The following BMPR1B variants were observed in gnomAD, a reference collection of about 807,000 sequenced individuals.
The protein encoded by BMPR1B is bone morphogenetic protein receptor type 1B, also known as bone morphogenetic protein receptor type-1B.
Under a neutral mutation model 59.1 loss-of-function variants are expected in BMPR1B, and 12 were observed. The observed-to-expected ratio is 0.20, with a 90% CI of 0.13 to 0.33. The LOEUF (loss-of-function observed/expected upper bound fraction) is 0.33. Ranked by LOEUF, BMPR1B falls within the 10% of genes least tolerant of loss-of-function variation. The pLI is 1.00. For synonymous variants in BMPR1B, 237 were observed against 207.3 expected (o/e 1.14, Z -1.23); for missense variants, 550 against 610.9 (o/e 0.90, Z 1.05).
intron 1 of BMPR1B, among the ~76,000 whole-genome samples, chr4:94,758,593 A>C (rs958917035): frequency 6.6e-6 from 1 of 151,962 alleles, no homozygotes; most frequent in Non-Finnish European, 1.5e-5. Context: ...ACGCCTCCCG[A>C]GACCCAGCCT....
chr4:94,980,306 G>A (rs1397688030), intron 2 of BMPR1B, among the ~76,000 whole-genome samples: 1 of 152,152 alleles, frequency 6.6e-6, no homozygotes, highest in Non-Finnish European at 1.5e-5. Context: ...AATAAGTTAA[G>A]TTCCAAATAG....
chr4:94,963,271 A>T (rs549284002), intron 2 of BMPR1B, among the ~76,000 whole-genome samples: 2 of 151,826 alleles, frequency 1.3e-5, no homozygotes, highest in South Asian at 2.1e-4. Context: ...TAGTTTATAA[A>T]TTTTTTTTGC....
chr4:94,991,037 G>T (rs1205514805), intron 2 of BMPR1B, among the ~76,000 whole-genome samples: 1 of 152,068 alleles, frequency 6.6e-6, no homozygotes. Context: ...CATTTCAGTG[G>T]TTTTTAGTAT....
At chr4:94,899,106 G>C (rs917194238) in intron 2 of BMPR1B, among the ~76,000 whole-genome samples, 1 of 151,906 alleles carries the variant, frequency 6.6e-6, no homozygotes, top group African/African-American at 2.4e-5. Context: ...TCCTTGGCTT[G>C]TGGTTTGCAT....
chr4:94,934,467 T>C (rs1198190860), intron 2 of BMPR1B, among the ~76,000 whole-genome samples: 1 of 150,164 alleles, frequency 6.7e-6, no homozygotes, highest in South Asian at 2.1e-4. Context: ...TTTTTTTTTT[T>C]TTTTCTCCTC....
At chr4:94,837,277 T>C (rs1467475599) in intron 1 of BMPR1B, among the ~76,000 whole-genome samples, 1 of 149,712 alleles carries the variant, frequency 6.7e-6, no homozygotes, top group Admixed American at 6.7e-5. Context: ...TTAAAGTAGT[T>C]TTTTTCCATT....
chr4:95,064,599 C>T (rs1052827047), intron 3 of BMPR1B, among the ~76,000 whole-genome samples: 10 of 152,096 alleles, frequency 6.6e-5, no homozygotes, highest in Non-Finnish European at 1.2e-4. Flanking sequence ...AAAGACAGTC[C>T]ACATAATGGA....
chr4:95,068,654 A>G lies in BMPR1B; in HGVS notation c.-17-35754A>G, dbSNP rs140129522. On this transcript the variant is annotated intron_variant, in intron 3 of 12. Transcript: ENST00000515059. ...CTGAGAGGTAATCACTTCTCCTTTTATTCCATGGGTTGGCTATACTTGGAC... is the reference window on the plus strand; with the variant it reads ...CTGAGAGGTAATCACTTCTCCTTTTGTTCCATGGGTTGGCTATACTTGGAC... Among the ~76,000 whole-genome samples, 398 of 152,234 alleles carry G rather than the reference A, an allele frequency of 2.6e-3. 1 individual carries two copies. The highest frequency in any genetic ancestry group is 9.3e-3 in the African/African-American group (385 of 41,548).
intron 1 of BMPR1B, among the ~76,000 whole-genome samples, chr4:94,854,177 C>T (rs892622606): frequency 6.9e-6 from 1 of 144,152 alleles, no homozygotes; most frequent in African/African-American, 2.6e-5. Context: ...TAAGGCCTTT[C>T]GTATCCTGAA....
intron 1 of BMPR1B, among the ~76,000 whole-genome samples, chr4:94,839,904 G>T (rs539330301): frequency 6.6e-6 from 1 of 151,792 alleles, no homozygotes; most frequent in Non-Finnish European, 1.5e-5. Context: ...GGTACCGGTT[G>T]TTCCTTTCCA....
At chr4:94,961,181 A>C (rs542676660) in intron 2 of BMPR1B, among the ~76,000 whole-genome samples, 2 of 152,136 alleles carry the variant, frequency 1.3e-5, no homozygotes, top group Non-Finnish European at 2.9e-5. Flanking sequence ...GTCCCTCCCC[A>C]GCTGTATCTG....
In BMPR1B at chr4:95,116,421, G is replaced by GCGCGCGCACACACACACACA; in HGVS notation, c.349+635_349+636insGCGCGCACACACACACACAC. Among the ~76,000 whole-genome samples, 155 of 123,242 alleles carry GCGCGCGCACACACACACACA rather than the reference G, an allele frequency of 1.3e-3. 1 individual carries two copies. Among genetic ancestry groups the GCGCGCGCACACACACACACA allele is most frequent in the African/African-American group, 5.2e-3 (146 of 27,852 alleles). The allele number at this position is 123,242 out of a possible 152,430, so 80.9% of individuals were successfully genotyped here. Reference sequence around the variant, plus strand: ...CTCCTCCTCCATGCTTTCAGCGCGCGCACACACACACACACACACACACAC... The same window carrying GCGCGCGCACACACACACACA: ...CTCCTCCTCCATGCTTTCAGCGCGCGCGCGCGCACACACACACACACACACACACACACACACACACACAC... On this transcript the variant is annotated intron_variant, in intron 6 of 12. Transcript: ENST00000515059.
intron 3 of BMPR1B, among the ~76,000 whole-genome samples, chr4:95,085,706 G>C (rs1729522114): frequency 6.6e-6 from 1 of 152,180 alleles, no homozygotes; most frequent in African/African-American, 2.4e-5. Flanking sequence ...TTATCAGCCA[G>C]TCTTGATGTT....
At position 95,115,797 on chromosome 4, in the gene BMPR1B, G is replaced by GA. The variant is rs1327918475; in HGVS notation, c.349+12dup. ...CCATTGAAAAACAGAGGTAAGTGAG[G>GA]AAGGCTTCCAGCCTGGAAAATCACT... On this transcript the variant is annotated intron_variant, in intron 6 of 12. Coordinates refer to ENST00000515059, the MANE Select transcript of BMPR1B (RefSeq NM_001203.3). 1 of 1,599,142 alleles carries GA rather than the reference G, an allele frequency of 6.3e-7. No individual in the cohort carries two copies. The highest frequency in any genetic ancestry group is 1.3e-5 in the African/African-American group (1 of 74,528).
chr4:94,799,396 C>T (rs376958414), intron 1 of BMPR1B, among the ~76,000 whole-genome samples: 18 of 149,534 alleles, frequency 1.2e-4, no homozygotes, highest in South Asian at 6.5e-4. Flanking sequence ...CTCCGCCTCC[C>T]GGGTTCAAGT....
intron 10 of BMPR1B, among the ~76,000 whole-genome samples, chr4:95,133,327 T>G (rs1481354872): frequency 3.3e-5 from 5 of 152,182 alleles, no homozygotes; most frequent in Non-Finnish European, 7.3e-5. Context: ...TTCCTGTGGC[T>G]TCGTATTAAA....
Position 94,882,128 on chromosome 4 carries a change from GTTTTTTTCTT to G in BMPR1B, c.-113+6237_-113+6246del, listed in dbSNP as rs1482236877. ...TTCCTATGCTACTGTCCCCCTCACT[GTTTTTTTCTT>G]TTTTTTTCCATGGAAGGATAGAGGA... On this transcript the variant is annotated intron_variant, in intron 2 of 12. Transcript: ENST00000515059. 3.3e-5 allele frequency among the ~76,000 whole-genome samples: 5 copies of G among 151,878 alleles called. No homozygotes were observed. The East Asian group carries it at 9.7e-4, about 29-fold the overall frequency.
intron 2 of BMPR1B, among the ~76,000 whole-genome samples, chr4:94,887,751 T>C (rs892112612): frequency 5.9e-5 from 9 of 152,052 alleles, no homozygotes; most frequent in Non-Finnish European, 1.3e-4. Context: ...GTGGTGGAAA[T>C]GGAAGACTGG....
At chr4:95,127,747 C>T (rs1733010276) in intron 8 of BMPR1B, among the ~76,000 whole-genome samples, 2 of 152,036 alleles carry the variant, frequency 1.3e-5, no homozygotes, top group Non-Finnish European at 2.9e-5. Flanking sequence ...CATAAACTTG[C>T]TTGCTTATTT....
Sources: allele counts gnomAD v4.1 joint callset (sites outside exome capture counted in the v4.1 genomes callset), GRCh38; gene constraint gnomAD v4.1.1; transcripts MANE v1.5; gene names NCBI Gene and HGNC (gene_info 2026-07-23, HGNC 2026-07-21).